The following GABPB1 variants were observed in gnomAD, a reference collection of about 807,000 sequenced individuals.
GABPB1 encodes the protein GA binding protein transcription factor subunit beta 1.
In GABPB1, 15 loss-of-function variants were observed where a neutral mutation model predicts 45.9. The ratio of observed to expected loss-of-function variants is 0.33; its 90% confidence interval spans 0.22 to 0.50. The LOEUF (loss-of-function observed/expected upper bound fraction) is 0.50. Ranked by LOEUF, GABPB1 falls within the 20% of genes least tolerant of loss-of-function variation. The probability of loss-of-function intolerance (pLI) is 0.98; values close to 1 mark genes in which losing one functional copy is unlikely to be tolerated. For missense variants in GABPB1, 252 were observed against 457.5 expected (o/e 0.55, Z 4.10); for synonymous variants, 143 against 154.4 (o/e 0.93, Z 0.55).
At chr15:50,354,214 T>C (rs3743043) in intron 1 of GABPB1, 5 of 338,856 alleles carry the variant, frequency 1.5e-5, no homozygotes, top group Non-Finnish European at 1.7e-5. Context: ...GGCAAAATTC[T>C]CAACTTCTTC....
At chr15:50,321,074 A>G (rs2047553448) in intron 1 of GABPB1, among the ~76,000 whole-genome samples, 1 of 152,240 alleles carries the variant, frequency 6.6e-6, no homozygotes, top group South Asian at 2.1e-4. Context: ...CACGATAGGA[A>G]TAGGAAACAA....
At chr15:50,289,736 T>G (rs2046287356) in intron 6 of GABPB1, 68 bp from the exon 7 acceptor site, 1 of 1,258,972 alleles carries the variant, frequency 7.9e-7, no homozygotes, top group East Asian at 2.4e-5. Flanking sequence ...ATTTTTGCTT[T>G]GTCTGCTACT....
At chr15:50,330,710 A>T (rs2047918905) in intron 1 of GABPB1, among the ~76,000 whole-genome samples, 1 of 152,222 alleles carries the variant, frequency 6.6e-6, no homozygotes, top group Non-Finnish European at 1.5e-5. Context: ...TCTTTTCTCC[A>T]ACAAAACTTT....
At chr15:50,323,009 A>G (rs887884917) in intron 1 of GABPB1, among the ~76,000 whole-genome samples, 2 of 152,212 alleles carry the variant, frequency 1.3e-5, no homozygotes, top group African/African-American at 4.8e-5. Context: ...TGTCTGGGCA[A>G]CAGGAGTGAG....
At chr15:50,335,895 C>CAAA (rs775073809) in intron 1 of GABPB1, among the ~76,000 whole-genome samples, 77 of 78,994 alleles carry the variant, frequency 9.7e-4, no homozygotes, top group East Asian at 5.5e-3. Flanking sequence ...GACTCCGACT[C>CAAA]AAAAAAAAAA....
At chr15:50,325,827 G>A (rs1031257850) in intron 1 of GABPB1, among the ~76,000 whole-genome samples, 2 of 151,838 alleles carry the variant, frequency 1.3e-5, no homozygotes, top group East Asian at 1.9e-4. Flanking sequence ...CACTGCGCCC[G>A]GCCTGGTCAA....
At chr15:50,349,650 C>T (rs1358295933) in intron 1 of GABPB1, 1 of 152,126 alleles carries the variant, frequency 6.6e-6, no homozygotes, top group Admixed American at 6.6e-5. Context: ...ATTGATATTA[C>T]TTCTAGAATA....
intron 1 of GABPB1, among the ~76,000 whole-genome samples, chr15:50,336,401 A>C (rs1326734538): frequency 6.6e-6 from 1 of 151,952 alleles, no homozygotes; most frequent in African/African-American, 2.4e-5. Context: ...CAATTAAAAA[A>C]AACCTCACAA....
intron 1 of GABPB1, among the ~76,000 whole-genome samples, chr15:50,323,881 A>T (rs2047659918): frequency 6.6e-6 from 1 of 152,088 alleles, no homozygotes; most frequent in African/African-American, 2.4e-5. Context: ...TTAATTAATT[A>T]ATTCATAAAT....
At chr15:50,311,386 T>G (rs12595772) in intron 1 of GABPB1, among the ~76,000 whole-genome samples, 4,601 of 152,228 alleles carry the variant, frequency 0.03, 186 homozygotes, top group East Asian at 0.2. Flanking sequence ...TCAAAAAAAG[T>G]ATATACTCTG....
chr15:50,341,501 C>T (rs992951441), intron 1 of GABPB1, among the ~76,000 whole-genome samples: 2 of 151,974 alleles, frequency 1.3e-5, no homozygotes, highest in African/African-American at 4.8e-5. Context: ...CCATTGCACT[C>T]CAGCCTGGGC....
At chr15:50,317,155 G>A (rs1268951765) in intron 1 of GABPB1, among the ~76,000 whole-genome samples, 1 of 151,946 alleles carries the variant, frequency 6.6e-6, no homozygotes, top group African/African-American at 2.4e-5. Flanking sequence ...CAGCACTTTG[G>A]GAGGCCGAGG....
At chr15:50,353,301 T>C (rs762467455) in intron 1 of GABPB1, 7 of 152,164 alleles carry the variant, frequency 4.6e-5, no homozygotes, top group Non-Finnish European at 7.4e-5. Context: ...ATCAATCTTA[T>C]TCAGTCTTGT....
intron 7 of GABPB1, among the ~76,000 whole-genome samples, chr15:50,286,714 G>T (rs2046169084): frequency 6.6e-6 from 1 of 152,064 alleles, no homozygotes; most frequent in African/African-American, 2.4e-5. Flanking sequence ...TATCCACTAA[G>T]TGCATATTCC....
chr15:50,334,315 T>G (rs1478567779), intron 1 of GABPB1, among the ~76,000 whole-genome samples: 1 of 152,030 alleles, frequency 6.6e-6, no homozygotes, highest in Non-Finnish European at 1.5e-5. Flanking sequence ...ACTCTCTCAC[T>G]CTATCCCCAT....
chr15:50,351,950 T>C (rs943858945), intron 1 of GABPB1: 1 of 152,046 alleles, frequency 6.6e-6, no homozygotes, highest in Non-Finnish European at 1.5e-5. Flanking sequence ...ACCATACTAG[T>C]TGTTGGGGAG....
At chr15:50,280,442 C>T (rs2045937863) in intron 8 of GABPB1, among the ~76,000 whole-genome samples, 1 of 152,122 alleles carries the variant, frequency 6.6e-6, no homozygotes, top group African/African-American at 2.4e-5. Context: ...TGTCCACAGC[C>T]ATGCACGTGT....
At chr15:50,343,743 C>A (rs1264452523) in intron 1 of GABPB1, among the ~76,000 whole-genome samples, 1 of 151,632 alleles carries the variant, frequency 6.6e-6, no homozygotes, top group Non-Finnish European at 1.5e-5. Flanking sequence ...TTCACCATGT[C>A]GGCCAGGATG....
chr15:50,297,608 G>A (rs1479517558), intron 6 of GABPB1, among the ~76,000 whole-genome samples: 2 of 152,234 alleles, frequency 1.3e-5, no homozygotes, highest in African/African-American at 4.8e-5. Context: ...ACTCTGAGAG[G>A]CCGAGATGGA....
Sources: gnomAD v4.1 joint callset for allele counts (sites outside exome capture counted in the v4.1 genomes callset) on GRCh38, gnomAD v4.1.1 for gene constraint, MANE v1.5 for transcripts, NCBI Gene and HGNC (gene_info 2026-07-23, HGNC 2026-07-21) for gene names.